HSPA12A: variants seen among roughly 807,000 people sequenced by gnomAD.
HSPA12A encodes the protein heat shock protein family A (Hsp70) member 12A.
In HSPA12A, 28 loss-of-function variants were observed where a neutral mutation model predicts 69.2. The ratio of observed to expected loss-of-function variants is 0.40; its 90% CI spans 0.30 to 0.55. The LOEUF (loss-of-function observed/expected upper bound fraction) is 0.55, where lower values mean the gene tolerates loss of function less well. HSPA12A is among the 20% of genes least tolerant of loss of function. The pLI, the probability that HSPA12A is intolerant of heterozygous loss-of-function variation, is 0.38. For missense variants in HSPA12A, 686 were observed against 900.7 expected, an observed-to-expected ratio of 0.76 and a Z score of 3.05; for synonymous variants, 345 against 370.5, an observed-to-expected ratio of 0.93 and a Z score of 0.79.
intron 1 of HSPA12A, among the ~76,000 whole-genome samples, chr10:116,839,137 A>G (rs1175549198): frequency 1.3e-5 from 2 of 152,256 alleles, no homozygotes; most frequent in African/African-American, 2.4e-5. Context: ...ACAGTTGGAA[A>G]ACGACATCAA....
intron 1 of HSPA12A, among the ~76,000 whole-genome samples, chr10:116,739,331 TAACTC>T (rs1396946293): frequency 6.6e-6 from 1 of 152,200 alleles, no homozygotes; most frequent in East Asian, 1.9e-4. Flanking sequence ...CTAAATGAGA[TAACTC>T]AATATTCCCA....
chr10:116,766,387 G>T (rs76789720), intron 2 of HSPA12A, among the ~76,000 whole-genome samples: 1,638 of 152,184 alleles, frequency 0.011, 9 homozygotes, highest in Non-Finnish European at 0.017. Context: ...CTACTGGCTT[G>T]GAGAGGAGCC....
intron 1 of HSPA12A, among the ~76,000 whole-genome samples, chr10:116,836,572 T>C (rs1194558257): frequency 6.6e-6 from 1 of 152,140 alleles, no homozygotes; most frequent in Non-Finnish European, 1.5e-5. Context: ...TGGCTGAAAA[T>C]GTCACAGCAA....
chr10:116,757,360 A>C (rs565448672), intron 2 of HSPA12A, among the ~76,000 whole-genome samples: 178 of 152,292 alleles, frequency 1.2e-3, no homozygotes, highest in African/African-American at 4.1e-3. Flanking sequence ...TCCAAGTGAC[A>C]GGGCTGATGA....
intron 2 of HSPA12A, among the ~76,000 whole-genome samples, chr10:116,824,587 T>C (rs532782936): frequency 1.3e-5 from 2 of 152,362 alleles, no homozygotes; most frequent in Middle Eastern, 3.4e-3. Context: ...GAAGGACTGG[T>C]TGGGCTCAGT....
rs75092640 is a variant in HSPA12A, at chr10:116,812,759, C to A, written c.91+22176G>T. Among the ~76,000 whole-genome samples the A allele has an allele frequency of 5.8e-3, 888 of 152,214 alleles. 7 individuals carry two copies. Among genetic ancestry groups the A allele is most frequent in the African/African-American group, 0.021 (855 of 41,542 alleles). On this transcript the variant is annotated intron_variant, in intron 2 of 12. Transcript: ENST00000635765. ...GAATCTGCTCATTCCAGGTGTTGACCCAAGAGGCTGATGATCTGGCGAAGG... is the reference window on the plus strand; with the variant it reads ...GAATCTGCTCATTCCAGGTGTTGACACAAGAGGCTGATGATCTGGCGAAGG...
In HSPA12A at chr10:116,674,897, C is replaced by A; in HGVS notation, c.1912G>T (p.Ala638Ser). The part of the protein sequence containing the change: ...LTGTSGTAVP[A>S]RREIQTLMQF... ...ATAAGGGTCTGGATCTCCCTCCGGG[C>A]GGGCACCGCAGTGCCACTGGTCCCT... The change falls in exon 12 of 12, where the codon GCC (alanine) becomes TCC (serine). Residue 638 changes from alanine to serine, a missense_variant. Physicochemically the swap from Ala to Ser is moderately conservative, Grantham distance 99. Transcript: ENST00000369209. 1 of 1,614,072 alleles carries A rather than the reference C, an allele frequency of 6.2e-7. No individual in the cohort carries two copies. The highest frequency in any genetic ancestry group is 8.5e-7 in the Non-Finnish European group (1 of 1,180,036).
chr10:116,699,714 AAGGTGGTCAAGTGCC>A (rs1354276450), intron 4 of HSPA12A, among the ~76,000 whole-genome samples: 1 of 152,172 alleles, frequency 6.6e-6, no homozygotes, highest in African/African-American at 2.4e-5. Context: ...CAGGCTCAGA[AAGGTGGTCAAGTGCC>A]AGGAAACCAT....
intron 2 of HSPA12A, among the ~76,000 whole-genome samples, chr10:116,774,876 G>A (rs1236393507): frequency 6.6e-6 from 1 of 152,160 alleles, no homozygotes; most frequent in Non-Finnish European, 1.5e-5. Context: ...TCCTGCACCA[G>A]CCCCTCGTGT....
chr10:116,679,927 T>C (rs782082272), intron 9 of HSPA12A, among the ~76,000 whole-genome samples, 166 bp from the exon 10 acceptor site: 3 of 152,216 alleles, frequency 2.0e-5, no homozygotes, highest in Non-Finnish European at 4.4e-5. Context: ...TCTCATTCCA[T>C]GTGGAGAAGC....
At chr10:116,712,489 T>A (rs11197802) in intron 1 of HSPA12A, among the ~76,000 whole-genome samples, 87,510 of 152,006 alleles carry the variant, frequency 0.58, 25,711 homozygotes, top group South Asian at 0.71. Flanking sequence ...TCTTATTGGT[T>A]TAAGGATTAA....
At position 116,693,897 on chromosome 10, in the gene HSPA12A, A is replaced by G. The variant is rs74798800; in HGVS notation, c.547-1430T>C. Reference sequence around the variant, plus strand: ...TATTTTAAAACATCTTTCTAAAAACATCTCTGCTGTGGACCAACACAAAGC... The same window carrying G: ...TATTTTAAAACATCTTTCTAAAAACGTCTCTGCTGTGGACCAACACAAAGC... On this transcript the variant is annotated intron_variant, in intron 5 of 11. Coordinates refer to ENST00000369209, the MANE Select transcript of HSPA12A (RefSeq NM_025015.3). 2.8e-4 allele frequency among the ~76,000 whole-genome samples: 43 copies of G among 152,360 alleles called. 1 individual carries two copies. The highest frequency in any genetic ancestry group is 9.9e-4 in the African/African-American group (41 of 41,600).
chr10:116,803,108 C>T (rs1261806313), intron 2 of HSPA12A, among the ~76,000 whole-genome samples: 3 of 152,232 alleles, frequency 2.0e-5, no homozygotes, highest in Non-Finnish European at 2.9e-5. Flanking sequence ...GCAGGCGCCA[C>T]GAGGCATGCG....
chr10:116,713,392 G>C (rs150413008), intron 1 of HSPA12A, among the ~76,000 whole-genome samples: 52 of 152,192 alleles, frequency 3.4e-4, no homozygotes, highest in African/African-American at 1.2e-3. Flanking sequence ...AGAACACTGA[G>C]TGTAAAATAA....
At chr10:116,720,442 CG>C (rs1850740317) in intron 1 of HSPA12A, among the ~76,000 whole-genome samples, 1 of 152,182 alleles carries the variant, frequency 6.6e-6, no homozygotes, top group Non-Finnish European at 1.5e-5. Flanking sequence ...GGCACAGGGC[CG>C]GGGCAGCGCC....
At chr10:116,724,397 G>A (rs962140144) in intron 1 of HSPA12A, among the ~76,000 whole-genome samples, 1 of 152,150 alleles carries the variant, frequency 6.6e-6, no homozygotes, top group African/African-American at 2.4e-5. Context: ...TAATGACTAA[G>A]TCAGGGCACT....
At chr10:116,704,380 T>C (rs1350610457) in intron 3 of HSPA12A, among the ~76,000 whole-genome samples, 1 of 152,180 alleles carries the variant, frequency 6.6e-6, no homozygotes, top group East Asian at 1.9e-4. Context: ...AAACACCGCA[T>C]GTTCTCACTC....
intron 2 of HSPA12A, among the ~76,000 whole-genome samples, chr10:116,810,519 C>T (rs911881769): frequency 3.9e-5 from 6 of 152,138 alleles, no homozygotes; most frequent in Non-Finnish European, 7.3e-5. Flanking sequence ...CGTATAAGCA[C>T]GGCACTTTCA....
Position 116,841,705 on chromosome 10 carries a change from TA to T in HSPA12A, c.4-6684del, listed in dbSNP as rs1441437699. On this transcript the variant is annotated intron_variant, in intron 1 of 12. Transcript: ENST00000635765. Reference sequence around the variant, plus strand: ...ATTTGCCTAAAATGATTTTATTTGCTAAAAAAAATACTGAGAATTTACTCCT... The same window carrying T: ...ATTTGCCTAAAATGATTTTATTTGCTAAAAAAATACTGAGAATTTACTCCT... Among the ~76,000 whole-genome samples, 6 of 151,690 alleles carry T rather than the reference TA, an allele frequency of 4.0e-5. No homozygotes were observed. In the East Asian group the frequency reaches 9.6e-4, roughly 24 times the overall value.
Sources: gnomAD v4.1 joint callset for allele counts (sites outside exome capture counted in the v4.1 genomes callset) on GRCh38, gnomAD v4.1.1 for gene constraint, MANE v1.5 for transcripts, NCBI Gene and HGNC (gene_info 2026-07-23, HGNC 2026-07-21) for gene names.